The following CMSS1 variants were observed in gnomAD, a reference collection of about 807,000 sequenced individuals.
CMSS1 encodes protein CMSS1.
A neutral mutation model predicts 43.5 loss-of-function variants in CMSS1; 33 were observed. The ratio of observed to expected loss-of-function variants is 0.76; its 90% CI spans 0.57 to 1.01. The LOEUF (loss-of-function observed/expected upper bound fraction) is 1.01, where lower values mean the gene tolerates loss of function less well. CMSS1 is among the 50% of genes least tolerant of loss of function. The pLI is 0.00. For missense variants in CMSS1, 313 were observed against 326.4 expected (o/e 0.96, Z 0.32); for synonymous variants, 115 against 117.2 (o/e 0.98, Z 0.12).
At chr3:100,009,319 C>T (rs1710076044) in intron 1 of CMSS1, among the ~76,000 whole-genome samples, 1 of 152,054 alleles carries the variant, frequency 6.6e-6, no homozygotes, top group African/African-American at 2.4e-5. Flanking sequence ...ATAAATTTCC[C>T]CATAATTTCA....
intron 1 of CMSS1, among the ~76,000 whole-genome samples, chr3:100,057,082 C>T (rs989044989): frequency 2.6e-5 from 4 of 152,142 alleles, no homozygotes; most frequent in African/African-American, 9.7e-5. Flanking sequence ...TTGGCAGGCT[C>T]AGGGCAGGAG....
intron 1 of CMSS1, among the ~76,000 whole-genome samples, chr3:99,841,299 T>C (rs1050322113): frequency 9.2e-5 from 14 of 152,258 alleles, no homozygotes; most frequent in Admixed American, 5.2e-4. Flanking sequence ...ATATATCAAA[T>C]TATAAACTAG....
chr3:100,162,253 A>C (rs758197815), intron 3 of CMSS1, 50 bp from the exon 4 acceptor site: 1 of 1,567,392 alleles, frequency 6.4e-7, no homozygotes, highest in Non-Finnish European at 8.7e-7. Context: ...TTCCAACCAA[A>C]TGCCATTTTA....
intron 1 of CMSS1, among the ~76,000 whole-genome samples, chr3:99,868,623 A>T (rs1424570835): frequency 6.6e-6 from 1 of 152,236 alleles, no homozygotes; most frequent in Non-Finnish European, 1.5e-5. Context: ...TCTGAAGGCC[A>T]AATAATGGGT....
At chr3:99,971,769 C>A (rs544142797) in intron 1 of CMSS1, among the ~76,000 whole-genome samples, 3 of 152,176 alleles carry the variant, frequency 2.0e-5, no homozygotes, top group African/African-American at 7.2e-5. Context: ...GAGTCCTCTC[C>A]CTGCAACACC....
intron 1 of CMSS1, among the ~76,000 whole-genome samples, chr3:99,823,849 G>C (rs951956903): frequency 4.6e-5 from 7 of 151,640 alleles, no homozygotes; most frequent in Admixed American, 3.3e-4. Flanking sequence ...CACTCATTCT[G>C]TCTTACTTAG....
intron 1 of CMSS1, among the ~76,000 whole-genome samples, chr3:100,071,438 G>T (rs2065761579): frequency 6.6e-6 from 1 of 152,142 alleles, no homozygotes; most frequent in South Asian, 2.1e-4. Flanking sequence ...ACCTGAGAAA[G>T]ACAGTCAAAG....
intron 1 of CMSS1, among the ~76,000 whole-genome samples, chr3:100,007,749 G>A (rs996912312): frequency 3.3e-5 from 5 of 151,954 alleles, no homozygotes; most frequent in African/African-American, 1.2e-4. Flanking sequence ...GACTGCCACT[G>A]TTACCAATTG....
chr3:100,161,432 G>T (rs1452513302), intron 3 of CMSS1, among the ~76,000 whole-genome samples: 1 of 152,158 alleles, frequency 6.6e-6, no homozygotes, highest in Admixed American at 6.5e-5. Flanking sequence ...TAGCTAGATA[G>T]TTTAGTCTTG....
chr3:100,112,118 C>T (rs932158814), intron 1 of CMSS1, among the ~76,000 whole-genome samples: 2 of 152,252 alleles, frequency 1.3e-5, no homozygotes, highest in South Asian at 4.1e-4. Context: ...AAGTGTTCCC[C>T]TAATATAACT....
intron 1 of CMSS1, among the ~76,000 whole-genome samples, chr3:100,013,231 G>T (rs1484446636): frequency 6.6e-6 from 1 of 151,046 alleles, no homozygotes; most frequent in Non-Finnish European, 1.5e-5. Flanking sequence ...TGTTGTTGTT[G>T]TTGTTGTTGT....
chr3:100,165,744 C>T (rs954553231), intron 4 of CMSS1, among the ~76,000 whole-genome samples: 1 of 152,054 alleles, frequency 6.6e-6, no homozygotes, highest in Admixed American at 6.6e-5. Context: ...ATAGACCATG[C>T]AAGAATTTCT....
In CMSS1 at chr3:100,073,758, C is replaced by T. The variant is rs542175549; in HGVS notation, c.65-73215C>T. On this transcript the variant is annotated intron_variant, in intron 1 of 9. Transcript: ENST00000421999. ...TTCAAATGCAGAGTAGGGTGTGTGC[C>T]GGGCAAGATCTCCTGTTTGATTCCT... Among the ~76,000 whole-genome samples the T allele has an allele frequency of 2.6e-5, 4 of 152,236 alleles. No individual in the cohort carries two copies. The South Asian group carries it at 6.2e-4, about 24-fold the overall frequency.
At chr3:99,971,060 G>A (rs961936392) in intron 1 of CMSS1, among the ~76,000 whole-genome samples, 10 of 152,168 alleles carry the variant, frequency 6.6e-5, no homozygotes, top group Non-Finnish European at 1.3e-4. Context: ...TATGGGGGCT[G>A]GGCGTGGTGG....
Position 100,037,603 on chromosome 3 carries a change from T to C in CMSS1, c.65-109370T>C, listed in dbSNP as rs555707029. On this transcript the variant is annotated intron_variant, in intron 1 of 9. Transcript: ENST00000421999. The stretch of plus-strand genomic sequence containing the variant: ...CTACAGAAATCCTTTTAGCAATCTT[T>C]ATGTTCAAATCATAAAATGTATAAA... Among the ~76,000 whole-genome samples, 14 of 152,352 alleles carry C rather than the reference T, an allele frequency of 9.2e-5. No individual in the cohort carries two copies. In the East Asian group the frequency reaches 2.7e-3, roughly 29 times the overall value.
Position 100,176,383 on chromosome 3 carries a change from CAGA to C in CMSS1, c.727_729del (p.Lys243del). 1 of 1,613,382 alleles carries C rather than the reference CAGA, an allele frequency of 6.2e-7. No individual in the cohort carries two copies. Among genetic ancestry groups the C allele is most frequent in the Non-Finnish European group, 8.5e-7 (1 of 1,179,506 alleles). On this transcript the variant is annotated inframe_deletion, in exon 9 of 10. Transcript: ENST00000421999. ...GGTTTTTGACTGGAACTGGAGAGAT[CAGA>C]AGTTGAGGAGAATGATGGACATTCC...
At chr3:100,138,929 C>A (rs2066778816) in intron 1 of CMSS1, among the ~76,000 whole-genome samples, 1 of 152,178 alleles carries the variant, frequency 6.6e-6, no homozygotes, top group Non-Finnish European at 1.5e-5. Flanking sequence ...ATAGCAAAGT[C>A]ATGGATCCAA....
intron 1 of CMSS1, among the ~76,000 whole-genome samples, chr3:100,029,831 T>A (rs2064993575): frequency 6.6e-6 from 1 of 152,154 alleles, no homozygotes; most frequent in Non-Finnish European, 1.5e-5. Flanking sequence ...AGATTCTGAG[T>A]CATGATAACA....
chr3:99,967,397 GA>G (rs1170956696), intron 1 of CMSS1, among the ~76,000 whole-genome samples: 1 of 152,216 alleles, frequency 6.6e-6, no homozygotes, highest in African/African-American at 2.4e-5. Context: ...AGAGTAAATA[GA>G]AGTGTTCACT....
Sources: allele counts gnomAD v4.1 joint callset (sites outside exome capture counted in the v4.1 genomes callset), GRCh38; gene constraint gnomAD v4.1.1; transcripts MANE v1.5; gene names NCBI Gene and HGNC (gene_info 2026-07-23, HGNC 2026-07-21).